Variants in TXNL4A observed in about 807,000 individuals in gnomAD.
The protein encoded by TXNL4A is thioredoxin-like protein 4A.
Under a neutral mutation model 14.6 loss-of-function variants are expected in TXNL4A, and 17 were observed. The ratio of observed to expected loss-of-function variants is 1.16; its 90% confidence interval spans 0.80 to 1.74. The LOEUF is 1.74. Ranked by LOEUF, TXNL4A falls within the 40% of genes most tolerant of loss-of-function variation. TXNL4A has a pLI of 0.00. For synonymous variants in TXNL4A, 83 were observed against 70.6 expected (o/e 1.18, Z -0.88); for missense variants, 74 against 195.2 (o/e 0.38, Z 3.70).
At chr18:80,018,590 A>G (rs1244763003) in intron 1 of TXNL4A, among the ~76,000 whole-genome samples, 1 of 152,202 alleles carries the variant, frequency 6.6e-6, no homozygotes, top group East Asian at 1.9e-4. Flanking sequence ...GACTGCTAGC[A>G]AGACTAATAA....
chr18:80,010,541 G>C (rs917640198), intron 1 of TXNL4A, among the ~76,000 whole-genome samples: 2 of 152,114 alleles, frequency 1.3e-5, no homozygotes, highest in African/African-American at 4.8e-5. Context: ...GGAAAGGAGA[G>C]TGTCCACGGG....
intron 1 of TXNL4A, among the ~76,000 whole-genome samples, chr18:80,017,740 T>G (rs542237470): frequency 1.4e-3 from 214 of 151,476 alleles, no homozygotes; most frequent in African/African-American, 5.0e-3. Context: ...ATAAGCTTTT[T>G]GATGTGCTGC....
chr18:80,026,025 T>C (rs1376373766), intron 1 of TXNL4A, among the ~76,000 whole-genome samples: 1 of 152,254 alleles, frequency 6.6e-6, no homozygotes, highest in East Asian at 1.9e-4. Context: ...CATCTTGATA[T>C]AACTTTTAGA....
intron 2 of TXNL4A, among the ~76,000 whole-genome samples, chr18:79,975,529 G>A (rs1260938925): frequency 6.6e-6 from 1 of 152,340 alleles, no homozygotes; most frequent in South Asian, 2.1e-4. Context: ...TCCACTGCAC[G>A]CTGTGGGGGG....
chr18:80,015,433 C>T (rs1294394113), intron 1 of TXNL4A, among the ~76,000 whole-genome samples: 2 of 151,178 alleles, frequency 1.3e-5, no homozygotes, highest in Non-Finnish European at 3.0e-5. Flanking sequence ...CATATGTATA[C>T]ATGTGCCATG....
At position 79,982,792 on chromosome 18, in the gene TXNL4A, T is replaced by A. The variant is rs889899876; in HGVS notation, c.154-5091A>T. Among the ~76,000 whole-genome samples, 1 of 151,690 alleles carries A rather than the reference T, an allele frequency of 6.6e-6. No homozygotes were observed. The highest frequency in any genetic ancestry group is 6.6e-5 in the Admixed American group (1 of 15,228). ...CTGAAAGAGGCAGGCAGAGGGGAGC[T>A]CCCCAGCCTCCCACCACCCCATTTT... On this transcript the variant is annotated intron_variant, in intron 1 of 2. Coordinates refer to ENST00000269601, the MANE Select transcript of TXNL4A (RefSeq NM_006701.5). This position sits in a 1 kb window ranked among gnomAD's most constrained non-coding sequence, Gnocchi z 4.0.
chr18:79,975,131 G>T (rs1345528915), intron 2 of TXNL4A, among the ~76,000 whole-genome samples: 1 of 152,090 alleles, frequency 6.6e-6, no homozygotes, highest in Non-Finnish European at 1.5e-5. Context: ...AGCCCTATCT[G>T]ACCTGGGTGT....
intron 1 of TXNL4A, among the ~76,000 whole-genome samples, chr18:80,010,922 T>C (rs956402618): frequency 6.6e-5 from 10 of 151,538 alleles, no homozygotes; most frequent in Non-Finnish European, 8.8e-5. Flanking sequence ...CCCCGTGGAG[T>C]AGAGACCCAA....
rs922425439 is a variant in TXNL4A at position 80,011,923 on chromosome 18, T to G, written c.-61+21928A>C. Among the ~76,000 whole-genome samples the G allele has an allele frequency of 6.6e-6, 1 of 152,194 alleles. No individual in the cohort carries two copies. Among genetic ancestry groups the G allele is most frequent in the Non-Finnish European group, 1.5e-5 (1 of 68,036 alleles). On this transcript the variant is annotated intron_variant, in intron 1 of 2. Transcript: ENST00000585474. This position sits in a 1 kb window ranked among gnomAD's most constrained non-coding sequence, Gnocchi z 4.1. ...CAGAAACCGAGACTGCTAAACATCT[T>G]ATTGAGTGACTAACGAGTTCTCCTT...
intron 1 of TXNL4A, among the ~76,000 whole-genome samples, chr18:80,031,441 C>G (rs546852671): frequency 3.2e-4 from 48 of 152,326 alleles, no homozygotes; most frequent in African/African-American, 1.1e-3. Flanking sequence ...CCAGGTTATG[C>G]TTGGGCACAA....
intron 1 of TXNL4A, among the ~76,000 whole-genome samples, chr18:80,009,020 G>A (rs771320821): frequency 6.6e-5 from 10 of 151,542 alleles, no homozygotes; most frequent in African/African-American, 9.7e-5. Context: ...CTCGTGATCC[G>A]CCCTCCTCGG....
intron 1 of TXNL4A, among the ~76,000 whole-genome samples, chr18:80,023,973 C>T (rs2051867011): frequency 2.0e-5 from 3 of 152,194 alleles, no homozygotes; most frequent in Admixed American, 2.0e-4. Flanking sequence ...TTTGTCTTGT[C>T]ACTTTCTTCG....
intron 1 of TXNL4A, among the ~76,000 whole-genome samples, chr18:80,001,883 C>T (rs1367752158): frequency 6.6e-6 from 1 of 152,098 alleles, no homozygotes; most frequent in Non-Finnish European, 1.5e-5. Flanking sequence ...TGAGTTAATG[C>T]TAAAAGGACT....
chr18:80,030,193 G>C (rs968049675), intron 1 of TXNL4A, among the ~76,000 whole-genome samples: 1 of 152,176 alleles, frequency 6.6e-6, no homozygotes, highest in African/African-American at 2.4e-5. Context: ...GCAGACAACA[G>C]CTGTTGTGGA....
chr18:80,016,838 C>A (rs1337763074), intron 1 of TXNL4A, among the ~76,000 whole-genome samples: 1 of 149,348 alleles, frequency 6.7e-6, no homozygotes, highest in South Asian at 2.1e-4. Context: ...ATTGACTTGG[C>A]GATGCGGGCT....
At chr18:80,020,109 TG>T (rs1568381138) in intron 1 of TXNL4A, among the ~76,000 whole-genome samples, 1 of 152,222 alleles carries the variant, frequency 6.6e-6, no homozygotes, top group East Asian at 1.9e-4. Flanking sequence ...GGAAATCTGA[TG>T]GCTTTAAAAA....
chr18:80,029,793 G>A lies in TXNL4A; in HGVS notation c.-61+4058C>T, dbSNP rs536915740. Among the ~76,000 whole-genome samples, 26 of 152,258 alleles carry A rather than the reference G, an allele frequency of 1.7e-4. 1 individual carries two copies. In the South Asian group the frequency reaches 5.2e-3, roughly 30 times the overall value. ...TCAAGAAATAATAACAGAGGCCCAT[G>A]TGTATGGGAACAAACATAATCAACC... On this transcript the variant is annotated intron_variant, in intron 1 of 2. Transcript: ENST00000585474.
intron 1 of TXNL4A, among the ~76,000 whole-genome samples, chr18:80,021,859 A>G (rs1482758613): frequency 1.3e-5 from 2 of 152,312 alleles, no homozygotes; most frequent in Non-Finnish European, 2.9e-5. Context: ...TTGGACCAGT[A>G]TAACAGTTGT....
chr18:79,991,865 AG>A (rs533344776), upstream of TXNL4A, among the ~76,000 whole-genome samples: 186 of 152,344 alleles, frequency 1.2e-3, 4 homozygotes, highest in Admixed American at 0.011. Flanking sequence ...ACACTGCCTC[AG>A]GAGGTCCTGA....
Sources: gnomAD v4.1 joint callset for allele counts (sites outside exome capture counted in the v4.1 genomes callset) on GRCh38, gnomAD v4.1.1 for gene constraint, Gnocchi (gnomAD v3.1) non-coding constraint, MANE v1.5 for transcripts, NCBI Gene and HGNC (gene_info 2026-07-23, HGNC 2026-07-21) for gene names.